Variants in PLCB1 observed in about 807,000 individuals in gnomAD.
The protein encoded by PLCB1 is 1-phosphatidylinositol 4,5-bisphosphate phosphodiesterase beta-1.
In PLCB1, 46 loss-of-function variants were observed where a neutral mutation model predicts 161.8. The observed-to-expected ratio is 0.28, with a 90% CI of 0.22 to 0.36. The LOEUF is 0.36. Ranked by LOEUF, PLCB1 falls within the 10% of genes least tolerant of loss-of-function variation. PLCB1 has a pLI of 1.00. For synonymous variants in PLCB1, 517 were observed against 503.7 expected, an observed-to-expected ratio of 1.03 and a Z score of -0.35; for missense variants, 1,016 against 1,472.5, an observed-to-expected ratio of 0.69 and a Z score of 5.07.
chr20:8,250,075 G>A (rs1981061555), intron 2 of PLCB1, among the ~76,000 whole-genome samples: 1 of 151,968 alleles, frequency 6.6e-6, no homozygotes, highest in Admixed American at 6.6e-5. Context: ...TGGAGAATTA[G>A]TTGAGAATGA....
chr20:8,384,316 C>T (rs1987355425), intron 3 of PLCB1, among the ~76,000 whole-genome samples: 1 of 151,692 alleles, frequency 6.6e-6, no homozygotes, highest in Non-Finnish European at 1.5e-5. Context: ...ATTGATTTGG[C>T]TATTGATACT....
intron 2 of PLCB1, among the ~76,000 whole-genome samples, chr20:8,237,993 G>T (rs1980412897): frequency 6.6e-6 from 1 of 152,078 alleles, no homozygotes; most frequent in Admixed American, 6.6e-5. Flanking sequence ...TTTAATATTT[G>T]ACTCTTTTCT....
At chr20:8,332,480 A>G (rs1481694868) in intron 2 of PLCB1, among the ~76,000 whole-genome samples, 1 of 152,260 alleles carries the variant, frequency 6.6e-6, no homozygotes, top group Non-Finnish European at 1.5e-5. Flanking sequence ...ATTATCAATA[A>G]TCAAAATGTA....
chr20:8,273,389 T>C (rs1982378667), intron 2 of PLCB1, among the ~76,000 whole-genome samples: 1 of 152,194 alleles, frequency 6.6e-6, no homozygotes, highest in South Asian at 2.1e-4. Context: ...TTGCTTTTTA[T>C]ACTAATTTCT....
At chr20:8,681,687 T>C (rs1386899763) in intron 9 of PLCB1, among the ~76,000 whole-genome samples, 1 of 152,220 alleles carries the variant, frequency 6.6e-6, no homozygotes, top group Non-Finnish European at 1.5e-5. Context: ...TGAAGATACT[T>C]GCATTTATTG....
At chr20:8,856,861 A>G (rs1987086266) in intron 31 of PLCB1, among the ~76,000 whole-genome samples, 1 of 152,214 alleles carries the variant, frequency 6.6e-6, no homozygotes, top group African/African-American at 2.4e-5. Context: ...CTATTGCTGT[A>G]TAACAAATTC....
intron 3 of PLCB1, among the ~76,000 whole-genome samples, chr20:8,571,319 C>G (rs1487336159): frequency 6.6e-6 from 1 of 151,692 alleles, no homozygotes; most frequent in Non-Finnish European, 1.5e-5. Flanking sequence ...CCATCTCTAC[C>G]AAAAAGACAA....
At chr20:8,845,276 T>G (rs1342061332) in intron 31 of PLCB1, among the ~76,000 whole-genome samples, 1 of 152,196 alleles carries the variant, frequency 6.6e-6, no homozygotes, top group African/African-American at 2.4e-5. Context: ...TGAACATATC[T>G]AAGCATATTA....
At chr20:8,215,695 G>T (rs1979083686) in intron 2 of PLCB1, among the ~76,000 whole-genome samples, 1 of 151,986 alleles carries the variant, frequency 6.6e-6, no homozygotes, top group Non-Finnish European at 1.5e-5. Flanking sequence ...GTGACCATCA[G>T]TATTGTTTTG....
At chr20:8,379,972 A>T (rs1987211393) in intron 3 of PLCB1, among the ~76,000 whole-genome samples, 1 of 151,930 alleles carries the variant, frequency 6.6e-6, no homozygotes, top group African/African-American at 2.4e-5. Flanking sequence ...GTTTAGTTAG[A>T]TCCCATTTGT....
chr20:8,489,827 A>T (rs1982871777), intron 3 of PLCB1, among the ~76,000 whole-genome samples: 1 of 152,246 alleles, frequency 6.6e-6, no homozygotes, highest in African/African-American at 2.4e-5. Flanking sequence ...AGTCTTCTAC[A>T]TCTGAATCTA....
chr20:8,219,246 A>G (rs1979287269), intron 2 of PLCB1, among the ~76,000 whole-genome samples: 1 of 152,148 alleles, frequency 6.6e-6, no homozygotes, highest in Non-Finnish European at 1.5e-5. Flanking sequence ...CTTTCCTTTT[A>G]CATCTTCATA....
intron 3 of PLCB1, among the ~76,000 whole-genome samples, chr20:8,477,696 G>A (rs2122734483): frequency 6.6e-6 from 1 of 152,242 alleles, no homozygotes; most frequent in African/African-American, 2.4e-5. Flanking sequence ...AAGAGAGGAA[G>A]CAAAGGAGTG....
At chr20:8,428,089 A>AAAACAG (rs1171869251) in intron 3 of PLCB1, among the ~76,000 whole-genome samples, 1 of 152,214 alleles carries the variant, frequency 6.6e-6, no homozygotes, top group Non-Finnish European at 1.5e-5. Flanking sequence ...AAAACAAAGG[A>AAAACAG]AAACAGATAC....
intron 2 of PLCB1, among the ~76,000 whole-genome samples, chr20:8,262,391 T>G (rs551194238): frequency 3.9e-4 from 60 of 152,146 alleles, no homozygotes; most frequent in African/African-American, 1.4e-3. Flanking sequence ...GCACCCGGCC[T>G]TTCTTCCCTT....
chr20:8,482,490 C>A (rs1982546935), intron 3 of PLCB1, among the ~76,000 whole-genome samples: 1 of 152,076 alleles, frequency 6.6e-6, no homozygotes, highest in Non-Finnish European at 1.5e-5. Context: ...GTCCATTTAC[C>A]TATAGCAGTG....
At chr20:8,757,855 A>T (rs1234168569) in intron 24 of PLCB1, among the ~76,000 whole-genome samples, 1 of 110,094 alleles carries the variant, frequency 9.1e-6, no homozygotes, top group Non-Finnish European at 1.9e-5. Flanking sequence ...ATTTCTCAAA[A>T]TGAATAAATG....
At chr20:8,290,322 A>G (rs2745785) in intron 2 of PLCB1, among the ~76,000 whole-genome samples, 2,063 of 152,296 alleles carry the variant, frequency 0.014, 47 homozygotes, top group African/African-American at 0.046. Context: ...AGGTCGTGCC[A>G]GGAAACCTGC....
At chr20:8,765,004 A>G (rs1982241454) in intron 25 of PLCB1, 135 bp from the exon 26 acceptor site, 1 of 674,036 alleles carries the variant, frequency 1.5e-6, no homozygotes, top group Admixed American at 3.0e-5. Flanking sequence ...ACCCAGGTAG[A>G]GCTGACATCA....
Sources: allele counts gnomAD v4.1 joint callset (sites outside exome capture counted in the v4.1 genomes callset), GRCh38; gene constraint gnomAD v4.1.1; transcripts MANE v1.5; gene names NCBI Gene and HGNC (gene_info 2026-07-23, HGNC 2026-07-21).